AGRN: variants seen among roughly 807,000 people sequenced by gnomAD.
AGRN encodes agrin, also known as agrin proteoglycan.
AGRN carries 106 observed loss-of-function variants against 211.0 expected under a neutral mutation model. The observed-to-expected ratio is 0.50, with a 90% confidence interval of 0.43 to 0.59. The LOEUF (loss-of-function observed/expected upper bound fraction) is 0.59, where lower values mean the gene tolerates loss of function less well. Among genes scored for constraint, AGRN ranks in the 20% least tolerant of loss-of-function variants. AGRN has a pLI of 0.00. For synonymous variants in AGRN, 1,525 were observed against 1,332.5 expected, an observed-to-expected ratio of 1.14 and a Z score of -3.15; for missense variants, 3,040 against 2,982.6, an observed-to-expected ratio of 1.02 and a Z score of -0.45.
intron 3 of AGRN, among the ~76,000 whole-genome samples, chr1:1,036,699 C>CA (rs1273985492): frequency 6.6e-6 from 1 of 152,116 alleles, no homozygotes; most frequent in Non-Finnish European, 1.5e-5. Flanking sequence ...CCCCTGATGG[C>CA]CCTCCAACAC....
In AGRN at chr1:1,046,604, C is replaced by T. The variant is rs751987634; in HGVS notation, c.3119C>T (p.Thr1040Met). The T allele has an allele frequency of 5.1e-5, 82 of 1,604,874 alleles. No homozygotes were observed. The Admixed American group carries it at 7.8e-4, about 15-fold the overall frequency. The change falls in exon 18 of 36, where the codon ACG becomes ATG. Residue 1040 changes from threonine to methionine, a missense_variant. Thr to Met is a moderately conservative substitution (Grantham distance 81, BLOSUM62 -1). Around this residue, in one of 3 missense-constraint regions of AGRN, gnomAD observed 1,537 missense variants for 1,505.0 expected, o/e 1.02. Coordinates refer to ENST00000379370, the MANE Select transcript of AGRN (RefSeq NM_198576.4). Reference sequence around the variant, plus strand: ...AGGACCACCGTGTGGCCCGTGCTGACGGTGCCCCCCACGGCACCCTCCCCT... The same window carrying T: ...AGGACCACCGTGTGGCCCGTGCTGATGGTGCCCCCCACGGCACCCTCCCCT... ...VPRTTVWPVL[T>M]VPPTAPSPAP...
chr1:1,040,899 G>C lies in AGRN; in HGVS notation c.727+19G>C. The C allele has an allele frequency of 4.2e-6, 6 of 1,442,754 alleles. No homozygotes were observed. Among genetic ancestry groups the C allele is most frequent in the Non-Finnish European group, 5.4e-6 (6 of 1,109,990 alleles). The allele number at this position is 1,442,754 out of a possible 1,614,324, so 89.4% of individuals were successfully genotyped here. On this transcript the variant is annotated intron_variant, in intron 4 of 35. Transcript: ENST00000379370. ...CCGTGCGGTGAGCGGGGCGGGGCCGGTGCCTGGGGCGGGGAGGGGCGGGGC... is the reference window on the plus strand; with the variant it reads ...CCGTGCGGTGAGCGGGGCGGGGCCGCTGCCTGGGGCGGGGAGGGGCGGGGC...
At chr1:1,052,118 G>T (rs137916844) in intron 33 of AGRN, 15 of 1,342,154 alleles carry the variant, frequency 1.1e-5, no homozygotes, top group African/African-American at 1.5e-5. Flanking sequence ...TCCATCCCTT[G>T]TGGCGGAGGA....
rs566255963 is a variant in AGRN at position 1,041,887 on chromosome 1, C to T, written c.1178-69C>T. 6.9e-4 allele frequency: 1,091 copies of T among 1,591,632 alleles called. 2 individuals are homozygous for T. Among genetic ancestry groups the T allele is most frequent in the Non-Finnish European group, 5.9e-4 (688 of 1,164,948 alleles). On this transcript the variant is annotated intron_variant, in intron 6 of 35. Transcript: ENST00000379370. ...GGAGGGCCGCCTGCTCCCCTGCTCC[C>T]TGCACATCCCAGGGCAGGGATGGAG...
chr1:1,055,303 A>G lies in AGRN; in HGVS notation c.*322A>G, dbSNP rs905959191. 9.7e-6 allele frequency: 4 copies of G among 413,908 alleles called. No individual in the cohort carries two copies. The highest frequency in any genetic ancestry group is 1.4e-5 in the Non-Finnish European group (3 of 217,474). The allele number at this position is 413,908 out of a possible 1,614,324, so 25.6% of individuals were successfully genotyped here. A position where few individuals can be genotyped will look rare whatever the true frequency, so the allele number is the denominator to read the frequency against. ...GCTCCTGAATCACCCTCGCTCCGTC[A>G]GGCGGGACTCGTGTCCCAGAGAGGA... On this transcript the variant is annotated 3_prime_UTR_variant, in exon 36 of 36. Coordinates refer to ENST00000379370, the MANE Select transcript of AGRN (RefSeq NM_198576.4).
At chr1:1,046,113 G>C (rs367593679) in intron 16 of AGRN, 25 bp downstream of exon 16, 35 of 1,613,882 alleles carry the variant, frequency 2.2e-5, no homozygotes, top group Non-Finnish European at 2.9e-5. Flanking sequence ...ATGTGAAGGG[G>C]AGTGGGGAGG....
In AGRN at chr1:1,049,690, G is replaced by A. The variant is rs2799068; in HGVS notation, c.4639G>A (p.Glu1547Lys). ...GAATRGSGVG[E>K]CGDHPCLPNP... ...TGCCACCCGAGGCTCTGGCGTGGGC[G>A]AGTGCGGGGACCACCCCTGCCTGCC... Residue 1547 changes from glutamate (E) to lysine (K), a missense_variant, in exon 26 of 36, where the codon GAG becomes AAG. By Grantham distance (56) the Glu-to-Lys change is moderately conservative. This residue lies in a region of AGRN where 1,537 missense variants were observed against 1,505.0 expected (regional missense o/e 1.02). Coordinates refer to ENST00000379370, the MANE Select transcript of AGRN (RefSeq NM_198576.4). The A allele has an allele frequency of 3.7e-3, 5,877 of 1,573,394 alleles. 23 individuals are homozygous for A. Among genetic ancestry groups the A allele is most frequent in the Non-Finnish European group, 4.7e-3 (5,482 of 1,160,694 alleles).
chr1:1,049,257 G>C lies in AGRN; in HGVS notation c.4320G>C (p.Pro1440=), dbSNP rs767200294. The change falls in exon 25 of 36, where the codon CCG becomes CCC. Residue 1440 remains proline (P), a synonymous_variant. Transcript: ENST00000379370. ...TCAGGTTTGACACAGGTTCGGGGCC[G>C]GCGGTGCTGACCAGTGCCGTGCCGG... is the stretch of plus-strand genomic sequence containing the variant. The part of the protein sequence containing the change: ...VQLRFDTGSG[P]AVLTSAVPVE... The C allele has an allele frequency of 1.9e-6, 3 of 1,589,554 alleles. No individual in the cohort carries two copies. Among genetic ancestry groups the C allele is most frequent in the African/African-American group, 2.7e-5 (2 of 74,714 alleles).
chr1:1,053,601 T>A, intron 33 of AGRN, 152 bp from the exon 34 acceptor site: 1 of 1,497,812 alleles, frequency 6.7e-7, no homozygotes, highest in Non-Finnish European at 9.0e-7. Flanking sequence ...ATCCCTCTTC[T>A]CCCTCCCACT....
Position 1,043,310 on chromosome 1 carries a change from G to A in AGRN, c.1456G>A (p.Ala486Thr), listed in dbSNP as rs1644996826. ...GATCAVKNGQAACECLQACSS... is the reference protein window; with the variant it reads ...GATCAVKNGQTACECLQACSS... Reference sequence around the variant, plus strand: ...GACGTGTGCTGTGAAGAACGGGCAGGCAGCGTGTGAATGCCTGCAGGCGTG... The same window carrying A: ...GACGTGTGCTGTGAAGAACGGGCAGACAGCGTGTGAATGCCTGCAGGCGTG... Residue 486 changes from alanine (A) to threonine (T), a missense_variant, in exon 8 of 36, where the codon GCA (alanine) becomes ACA (threonine). Physicochemically the swap from Ala to Thr is moderately conservative, Grantham distance 58. This residue lies in a region of AGRN where 1,498 missense variants were observed against 1,457.8 expected (regional missense o/e 1.03). Coordinates refer to ENST00000379370, the MANE Select transcript of AGRN (RefSeq NM_198576.4). 2 of 1,611,428 alleles carry A rather than the reference G, an allele frequency of 1.2e-6. No homozygotes were observed. The highest frequency in any genetic ancestry group is 1.7e-6 in the Non-Finnish European group (2 of 1,179,486).
chr1:1,043,469 GT>G lies in AGRN; in HGVS notation c.1603+13del. On this transcript the variant is annotated intron_variant, in intron 8 of 35. Coordinates refer to ENST00000379370, the MANE Select transcript of AGRN (RefSeq NM_198576.4). ...CAAAGGACCCTGTGGTCAGTGGCGG[GT>G]GAGGGGTCTGGTGGGGGTCGGGGAG... is the stretch of plus-strand genomic sequence containing the variant. 6.3e-7 allele frequency: 1 copy of G among 1,598,472 alleles called. No individual in the cohort carries two copies. The highest frequency in any genetic ancestry group is 8.5e-7 in the Non-Finnish European group (1 of 1,176,138).
At chr1:1,039,330 A>T (rs115805682) in intron 3 of AGRN, among the ~76,000 whole-genome samples, 2,230 of 151,358 alleles carry the variant, frequency 0.015, 44 homozygotes, top group African/African-American at 0.051. Context: ...ACACCCAGAC[A>T]GACAGCGCCA....
Position 1,052,454 on chromosome 1 carries a change from G to A in AGRN, c.5651+639G>A, listed in dbSNP as rs1229010954. ...GATATGCGTGTGTGACTATGCGGCC[G>A]TGTGTGTGCATGGCTCCATGTATGT... On this transcript the variant is annotated intron_variant, in intron 33 of 35. Coordinates refer to ENST00000379370, the MANE Select transcript of AGRN (RefSeq NM_198576.4). 2.7e-5 allele frequency: 8 copies of A among 292,308 alleles called. No individual in the cohort carries two copies. The Admixed American group carries it at 2.9e-4, about 11-fold the overall frequency. 18.1% of individuals were successfully genotyped at this position (292,308 alleles called of 1,614,324 possible).
intron 3 of AGRN, among the ~76,000 whole-genome samples, chr1:1,037,878 G>A (rs944407922): frequency 5.3e-5 from 8 of 152,144 alleles, no homozygotes; most frequent in Admixed American, 2.0e-4. Context: ...TGGCGGGTAC[G>A]TGCGTGTGTG....
In AGRN at chr1:1,050,064, G is replaced by C. The variant is rs745519286; in HGVS notation, c.4879+27G>C. On this transcript the variant is annotated intron_variant, in intron 27 of 35. Transcript: ENST00000379370. ...TCGGGGGCGTGGGGCTCTCGGGGCAGGGGGGGGGGGGGGGTTGAACGTTTG... is the reference window on the plus strand; with the variant it reads ...TCGGGGGCGTGGGGCTCTCGGGGCACGGGGGGGGGGGGGGTTGAACGTTTG... 4.7e-5 allele frequency: 21 copies of C among 444,724 alleles called. No individual in the cohort carries two copies. The East Asian group carries it at 5.7e-4, about 12-fold the overall frequency. The allele number at this position is 444,724 out of a possible 1,614,324, so 27.5% of individuals were successfully genotyped here.
At position 1,020,388 on chromosome 1, in the gene AGRN, A is replaced by G. The variant is rs1557680063; in HGVS notation, c.201+15A>G. 2.7e-6 allele frequency: 4 copies of G among 1,489,650 alleles called. No homozygotes were observed. The South Asian group carries it at 3.8e-5, about 14-fold the overall frequency. 92.3% of individuals were successfully genotyped at this position (1,489,650 alleles called of 1,614,324 possible). A position where few individuals can be genotyped will look rare whatever the true frequency, so the allele number is the denominator to read the frequency against. ...ACTCCTGCAAGGTGCGCCCACCCGG[A>G]CCCCGGCCTCCCCTCGCGACGCCTG... On this transcript the variant is annotated intron_variant, in intron 1 of 35. Coordinates refer to ENST00000379370, the MANE Select transcript of AGRN (RefSeq NM_198576.4).
intron 33 of AGRN, chr1:1,052,324 G>A (rs1441406471): frequency 3.7e-5 from 13 of 350,640 alleles, no homozygotes; most frequent in Admixed American, 7.9e-5. Flanking sequence ...GTGTCTGTGC[G>A]TGTCTATGTA....
Position 1,055,178 on chromosome 1 carries a change from G to A in AGRN, c.*197G>A, listed in dbSNP as rs983325343. The stretch of plus-strand genomic sequence containing the variant: ...GAGGTGGCAGCGTGGAGGGCTCGGC[G>A]TGGATGGCAGCCTCAGGACACACAC... On this transcript the variant is annotated 3_prime_UTR_variant, in exon 36 of 36. Transcript: ENST00000379370. 2.7e-5 allele frequency: 23 copies of A among 838,452 alleles called. No homozygotes were observed. Among genetic ancestry groups the A allele is most frequent in the African/African-American group, 2.0e-4 (12 of 59,440 alleles). The allele number at this position is 838,452 out of a possible 1,614,324, so 51.9% of individuals were successfully genotyped here. A position where few individuals can be genotyped will look rare whatever the true frequency, so the allele number is the denominator to read the frequency against.
rs772049055 is a variant in AGRN at position 1,051,344 on chromosome 1, C to T, written c.5345C>T (p.Ser1782Phe). Reference protein sequence around the residue: ...SKLARAAAVSSGFDGAIQLVS... With the variant: ...SKLARAAAVSFGFDGAIQLVS... ...CTGGCCCGTGCTGCTGCCGTGTCCT[C>T]TGGCTTCGACGGTGCCATCCAGCTG... Residue 1782 changes from serine to phenylalanine, a missense_variant, in exon 31 of 36, where the codon TCT becomes TTT. By Grantham distance (155) the Ser-to-Phe change is radical. This residue lies in a region of AGRN where 1,537 missense variants were observed against 1,505.0 expected (regional missense o/e 1.02). Coordinates refer to ENST00000379370, the MANE Select transcript of AGRN (RefSeq NM_198576.4). 4.5e-6 allele frequency: 7 copies of T among 1,565,582 alleles called. No individual in the cohort carries two copies. The African/African-American group carries it at 9.4e-5, about 21-fold the overall frequency.
Sources: gnomAD v4.1 joint callset for allele counts (sites outside exome capture counted in the v4.1 genomes callset) on GRCh38, gnomAD v4.1.1 for gene constraint, gnomAD v4.1.1 regional missense constraint, MANE v1.5 for transcripts, NCBI Gene and HGNC (gene_info 2026-07-23, HGNC 2026-07-21) for gene names.